The following DSCAM variants were observed in gnomAD, a reference collection of about 807,000 sequenced individuals.
DSCAM encodes DS cell adhesion molecule.
DSCAM carries 47 observed loss-of-function variants against 217.7 expected under a neutral mutation model. That is an observed-to-expected ratio of 0.22 (90% CI 0.17 to 0.28). The LOEUF is 0.28. Among genes scored for constraint, DSCAM ranks in the 10% least tolerant of loss-of-function variants. DSCAM has a pLI of 1.00. For missense variants in DSCAM, 2,080 were observed against 2,618.3 expected (o/e 0.79, Z 4.49); for synonymous variants, 1,056 against 1,015.3 (o/e 1.04, Z -0.76).
rs889894426 is a variant in DSCAM, at chr21:40,063,837, C to G, written c.4889-938G>C. Among the ~76,000 whole-genome samples, 4 of 152,270 alleles carry G rather than the reference C, an allele frequency of 2.6e-5. No homozygotes were observed. The East Asian group carries it at 7.7e-4, about 29-fold the overall frequency. On this transcript the variant is annotated intron_variant, in intron 27 of 32. Coordinates refer to ENST00000400454, the MANE Select transcript of DSCAM (RefSeq NM_001389.5). ...GCATGCTATTTCTGAAAGACGTGGACAGTCACAGAATGACCACGTAGAGGC... is the reference window on the plus strand; with the variant it reads ...GCATGCTATTTCTGAAAGACGTGGAGAGTCACAGAATGACCACGTAGAGGC...
intron 28 of DSCAM, among the ~76,000 whole-genome samples, chr21:40,058,333 C>T (rs962576516): frequency 2.0e-5 from 3 of 152,246 alleles, no homozygotes; most frequent in African/African-American, 2.4e-5. Flanking sequence ...GCGATGGGGA[C>T]GTCTTCTGTG....
At chr21:40,761,688 G>T in intron 1 of DSCAM, among the ~76,000 whole-genome samples, 1 of 152,270 alleles carries the variant, frequency 6.6e-6, no homozygotes, top group East Asian at 1.9e-4. Context: ...AGAGAGAAAC[G>T]ATCCCAATTA....
At chr21:40,595,911 C>G (rs544144949) in intron 3 of DSCAM, among the ~76,000 whole-genome samples, 2 of 152,322 alleles carry the variant, frequency 1.3e-5, no homozygotes, top group East Asian at 3.9e-4. Flanking sequence ...CTAAAGTCAT[C>G]CCTGTTGGTA....
chr21:40,657,220 G>T (rs1159970416), intron 3 of DSCAM, among the ~76,000 whole-genome samples: 1 of 152,140 alleles, frequency 6.6e-6, no homozygotes, highest in Non-Finnish European at 1.5e-5. Context: ...ATGACCTTGT[G>T]TGTGTTGAAG....
intron 11 of DSCAM, among the ~76,000 whole-genome samples, chr21:40,272,468 A>G (rs551176871): frequency 1.3e-5 from 2 of 152,322 alleles, no homozygotes; most frequent in African/African-American, 4.8e-5. Context: ...TGCTTGATTC[A>G]ATAACAACAA....
chr21:40,066,896 C>A (rs1346655095), intron 27 of DSCAM, among the ~76,000 whole-genome samples: 1 of 152,210 alleles, frequency 6.6e-6, no homozygotes, highest in Non-Finnish European at 1.5e-5. Flanking sequence ...ATAACCTCAA[C>A]TAACTTATTT....
At chr21:40,020,689 C>T (rs528187815) in intron 32 of DSCAM, among the ~76,000 whole-genome samples, 18 of 152,326 alleles carry the variant, frequency 1.2e-4, no homozygotes, top group East Asian at 5.8e-4. Flanking sequence ...CTTGAACTCA[C>T]TTCCATGCCC....
intron 3 of DSCAM, among the ~76,000 whole-genome samples, chr21:40,662,220 A>C (rs987056560): frequency 3.3e-5 from 5 of 152,034 alleles, no homozygotes; most frequent in African/African-American, 9.7e-5. Context: ...TATCTAAAGA[A>C]AGTTCACTGT....
chr21:40,229,422 C>T (rs574254271), intron 11 of DSCAM, among the ~76,000 whole-genome samples: 41 of 152,284 alleles, frequency 2.7e-4, no homozygotes, highest in African/African-American at 8.9e-4. Flanking sequence ...GTGGTTTTGA[C>T]AAATACATGG....
At chr21:40,139,044 T>G (rs952321980) in intron 18 of DSCAM, among the ~76,000 whole-genome samples, 3 of 141,920 alleles carry the variant, frequency 2.1e-5, no homozygotes, top group Non-Finnish European at 3.1e-5. Context: ...TAGTGTGTGT[T>G]GTGTGTGTGT....
chr21:40,044,362 A>T, intron 30 of DSCAM, 87 bp from the exon 31 acceptor site: 1 of 1,365,228 alleles, frequency 7.3e-7, no homozygotes, highest in South Asian at 1.4e-5. Flanking sequence ...CCACCCACCC[A>T]GCACTGCCGA....
chr21:40,387,507 C>A (rs556948499), intron 3 of DSCAM, among the ~76,000 whole-genome samples: 1 of 152,292 alleles, frequency 6.6e-6, no homozygotes, highest in African/African-American at 2.4e-5. Context: ...GTAGACCTCA[C>A]TCTAGAAAAT....
chr21:40,285,945 C>T (rs577342716), intron 10 of DSCAM, among the ~76,000 whole-genome samples: 2 of 152,162 alleles, frequency 1.3e-5, no homozygotes, highest in South Asian at 4.2e-4. Flanking sequence ...AGCAGGGGAT[C>T]ACTGCTGCTT....
rs568925748 is a variant in DSCAM, at chr21:40,526,071, T to C, written c.509-156826A>G. ...TTCCCATGTCCGTTCCCCAATTTCC[T>C]AGGATACTTTCTGGGCCTGCCTCTG... is the stretch of plus-strand genomic sequence containing the variant. On this transcript the variant is annotated intron_variant, in intron 3 of 32. Coordinates refer to ENST00000400454, the MANE Select transcript of DSCAM (RefSeq NM_001389.5). Among the ~76,000 whole-genome samples the C allele has an allele frequency of 2.6e-4, 39 of 152,198 alleles. No homozygotes were observed. The South Asian group carries it at 5.6e-3, about 22-fold the overall frequency.
intron 18 of DSCAM, among the ~76,000 whole-genome samples, chr21:40,140,209 T>C (rs918412094): frequency 6.6e-6 from 1 of 152,112 alleles, no homozygotes; most frequent in Non-Finnish European, 1.5e-5. Flanking sequence ...AGGTTCATGT[T>C]TCTGAAGGTT....
chr21:40,720,046 C>T (rs939177376), intron 1 of DSCAM, among the ~76,000 whole-genome samples: 4 of 152,180 alleles, frequency 2.6e-5, no homozygotes, highest in Non-Finnish European at 4.4e-5. Context: ...CATTTTGAGA[C>T]GTTAACCAAC....
intron 1 of DSCAM, among the ~76,000 whole-genome samples, chr21:40,768,509 C>T (rs1475114498): frequency 6.6e-6 from 1 of 152,232 alleles, no homozygotes; most frequent in African/African-American, 2.4e-5. Flanking sequence ...CCAGTAATTC[C>T]TGCAGGGCAT....
intron 15 of DSCAM, among the ~76,000 whole-genome samples, chr21:40,176,043 A>T (rs1459957574): frequency 6.6e-6 from 1 of 151,798 alleles, no homozygotes; most frequent in Non-Finnish European, 1.5e-5. Context: ...AGACATGATG[A>T]TACACCTCAA....
chr21:40,175,811 A>G (rs199848900), intron 15 of DSCAM, among the ~76,000 whole-genome samples: 2,261 of 127,438 alleles, frequency 0.018, 20 homozygotes, highest in Middle Eastern at 0.036. Flanking sequence ...ACACACACGC[A>G]CACACACACA....
Sources: allele counts gnomAD v4.1 joint callset (sites outside exome capture counted in the v4.1 genomes callset), GRCh38; gene constraint gnomAD v4.1.1; transcripts MANE v1.5; gene names NCBI Gene and HGNC (gene_info 2026-07-23, HGNC 2026-07-21).